DNAH1: variants seen among roughly 807,000 people sequenced by gnomAD.
The protein encoded by DNAH1 is dynein axonemal heavy chain 1.
A neutral mutation model predicts 484.3 loss-of-function variants in DNAH1; 327 were observed. The observed-to-expected ratio is 0.68, with a 90% CI of 0.62 to 0.74. The LOEUF is 0.74. Among genes scored for constraint, DNAH1 ranks in the 30% least tolerant of loss-of-function variants. DNAH1 has a pLI of 0.00. For missense variants in DNAH1, 5,052 were observed against 5,546.8 expected (o/e 0.91, Z 2.83); for synonymous variants, 2,192 against 2,191.9 (o/e 1.00, Z 0.00).
chr3:52,348,665 T>C (rs557443042), intron 12 of DNAH1, among the ~76,000 whole-genome samples: 1 of 152,344 alleles, frequency 6.6e-6, no homozygotes, highest in African/African-American at 2.4e-5. Context: ...TGCCCCTTGG[T>C]GGGCCTCACA....
chr3:52,345,356 C>T lies in DNAH1; in HGVS notation c.1445-139C>T, dbSNP rs187999390. The T allele has an allele frequency of 6.8e-4, 479 of 707,886 alleles. 1 individual carries two copies. The highest frequency in any genetic ancestry group is 6.1e-3 in the Middle Eastern group (15 of 2,472). 43.9% of individuals were successfully genotyped at this position (707,886 alleles called of 1,614,324 possible). A position where few individuals can be genotyped will look rare whatever the true frequency, so the allele number is the denominator to read the frequency against. On this transcript the variant is annotated intron_variant, in intron 9 of 77. Transcript: ENST00000420323. ...GCCACTCCGGCAAACTATGGAAAGG[C>T]GGGGCTCTGGGAACGCCAGTCACTC... is the stretch of plus-strand genomic sequence containing the variant.
intron 2 of DNAH1, among the ~76,000 whole-genome samples, chr3:52,323,072 C>T (rs999817900): frequency 6.6e-6 from 1 of 152,200 alleles, no homozygotes; most frequent in African/African-American, 2.4e-5. Flanking sequence ...GCCCACGTCC[C>T]TATTGTCATT....
At chr3:52,323,960 T>G in intron 3 of DNAH1, 80 bp downstream of exon 3, 3 of 1,119,702 alleles carry the variant, frequency 2.7e-6, no homozygotes, top group South Asian at 1.4e-5. Context: ...AGACAGCCTT[T>G]TCTTGGCTGT....
At chr3:52,334,707 C>T (rs1369095373) in intron 8 of DNAH1, among the ~76,000 whole-genome samples, 1 of 152,122 alleles carries the variant, frequency 6.6e-6, no homozygotes, top group African/African-American at 2.4e-5. Flanking sequence ...GCCCTAGAAT[C>T]GCCTGAACCT....
At chr3:52,328,148 G>A (rs1488911826) in intron 6 of DNAH1, 134 bp downstream of exon 6, 2 of 1,196,734 alleles carry the variant, frequency 1.7e-6, no homozygotes, top group Admixed American at 5.4e-5. Flanking sequence ...CTGGTAGACA[G>A]GCCTAGAAGC....
intron 8 of DNAH1, among the ~76,000 whole-genome samples, chr3:52,342,215 T>C (rs1029557738): frequency 1.3e-5 from 2 of 152,218 alleles, no homozygotes; most frequent in Non-Finnish European, 2.9e-5. Flanking sequence ...GTGGTTGGGA[T>C]GCAGAGAGAG....
chr3:52,398,950 G>C lies in DNAH1; in HGVS notation c.12190G>C (p.Ala4064Pro), dbSNP rs750877900. The change falls in exon 76 of 78, where the codon GCC becomes CCC. Residue 4064 changes from alanine to proline, a missense_variant. Transcript: ENST00000420323. ...VMSSQLELMA[A>P]SLYNNTVPEL... ...GTCCTCTCAGCTGGAGCTGATGGCT[G>C]CCAGCCTGTACAACAATACTGTGCC... 5 of 1,613,580 alleles carry C rather than the reference G, an allele frequency of 3.1e-6. No homozygotes were observed. Among genetic ancestry groups the C allele is most frequent in the African/African-American group, 1.3e-5 (1 of 74,928 alleles).
In DNAH1 at chr3:52,363,133, C is replaced by G; in HGVS notation, c.5233C>G (p.Leu1745Val). ...CACCTTCAAGCTGTCTTCTGAGCAG[C>G]TCAGCTCCCAGGTGTGGTCCTGCCC... ...TTTFKLSSEQ[L>V]SSQDHYDFGM... The change falls in exon 32 of 78, where the codon CTC (leucine) becomes GTC (valine). Residue 1745 changes from leucine to valine, a missense_variant. By Grantham distance (32) the Leu-to-Val change is conservative. Transcript: ENST00000420323. 1.2e-6 allele frequency: 2 copies of G among 1,613,936 alleles called. No homozygotes were observed. Among genetic ancestry groups the G allele is most frequent in the Non-Finnish European group, 1.7e-6 (2 of 1,179,840 alleles).
In DNAH1 at chr3:52,362,893, C is replaced by T. The variant is rs568326491; in HGVS notation, c.5095-102C>T. 85 of 1,509,398 alleles carry T rather than the reference C, an allele frequency of 5.6e-5. No homozygotes were observed. Among genetic ancestry groups the T allele is most frequent in the South Asian group, 2.3e-4 (19 of 82,868 alleles). 93.5% of individuals were successfully genotyped at this position (1,509,398 alleles called of 1,614,324 possible). A position where few individuals can be genotyped will look rare whatever the true frequency, so the allele number is the denominator to read the frequency against. Reference sequence around the variant, plus strand: ...AGCCTCAGCTGTGGCAGGCTTGGTGCAGCAGGGAGTCCCAGCGTGTTAGGG... The same window carrying T: ...AGCCTCAGCTGTGGCAGGCTTGGTGTAGCAGGGAGTCCCAGCGTGTTAGGG... On this transcript the variant is annotated intron_variant, in intron 31 of 77. Coordinates refer to ENST00000420323, the MANE Select transcript of DNAH1 (RefSeq NM_015512.5). The surrounding 1 kb of genome is among the most constrained non-coding windows in gnomAD (Gnocchi z 5.1).
At position 52,326,146 on chromosome 3, in the gene DNAH1, G is replaced by A; in HGVS notation, c.413G>A (p.Ser138Asn). The change falls in exon 4 of 78, where the codon AGC (serine) becomes AAC (asparagine). Residue 138 changes from serine (S) to asparagine (N), a missense_variant. By Grantham distance (46) the Ser-to-Asn change is conservative. Coordinates refer to ENST00000420323, the MANE Select transcript of DNAH1 (RefSeq NM_015512.5). Reference protein sequence around the residue: ...DLDKFTPRVGSFEVPEDFQER... With the variant: ...DLDKFTPRVGNFEVPEDFQER... ...CCCCTGCTTCTACCTGCAGTCGGAA[G>A]CTTTGAGGTTCCTGAAGACTTCCAG... 6.2e-7 allele frequency: 1 copy of A among 1,602,614 alleles called. No individual in the cohort carries two copies.
chr3:52,314,280 A>C (rs1700880721), upstream of DNAH1, among the ~76,000 whole-genome samples: 2 of 152,192 alleles, frequency 1.3e-5, no homozygotes, highest in Non-Finnish European at 2.9e-5. Context: ...CCTGTGGAAG[A>C]TGTCTTTGTC....
At chr3:52,370,398 A>G (rs543711523) in intron 39 of DNAH1, 79 bp from the exon 40 acceptor site, 1 of 1,593,588 alleles carries the variant, frequency 6.3e-7, no homozygotes, top group East Asian at 2.2e-5. Flanking sequence ...GCAGAGGTCA[A>G]GACATGCCCC....
intron 67 of DNAH1, 92 bp from the exon 68 acceptor site, chr3:52,394,823 C>T: frequency 6.5e-7 from 1 of 1,529,690 alleles, no homozygotes; most frequent in Non-Finnish European, 8.8e-7. Context: ...GGATAGCCCA[C>T]TCTCCCCAGC....
At chr3:52,370,407 C>T (rs1170046820) in intron 39 of DNAH1, 70 bp from the exon 40 acceptor site, 9 of 1,600,430 alleles carry the variant, frequency 5.6e-6, no homozygotes, top group Non-Finnish European at 7.7e-6. Flanking sequence ...AAGACATGCC[C>T]CTGCCCCACT....
intron 3 of DNAH1, among the ~76,000 whole-genome samples, chr3:52,325,793 T>C (rs950756540): frequency 2.0e-5 from 3 of 152,170 alleles, no homozygotes; most frequent in African/African-American, 7.2e-5. Flanking sequence ...CCATTTCATC[T>C]TCCTATCCAG....
At chr3:52,347,776 A>C (rs952545483) in intron 11 of DNAH1, 48 bp from the exon 12 acceptor site, 1 of 1,503,912 alleles carries the variant, frequency 6.6e-7, no homozygotes, top group Non-Finnish European at 8.9e-7. Context: ...GCTCCTGCAC[A>C]CAGGCCTCCT....
At chr3:52,372,459 C>T in intron 43 of DNAH1, 72 bp downstream of exon 43, 2 of 1,579,388 alleles carry the variant, frequency 1.3e-6, no homozygotes, top group Non-Finnish European at 1.7e-6. Flanking sequence ...TGTCCCACCT[C>T]TCCACCAAAT....
At chr3:52,367,139 T>A (rs1437235078) in intron 36 of DNAH1, among the ~76,000 whole-genome samples, 3 of 152,130 alleles carry the variant, frequency 2.0e-5, no homozygotes, top group Non-Finnish European at 4.4e-5. Flanking sequence ...CTTAACACGC[T>A]CAGTGCCTCT....
Position 52,359,817 on chromosome 3 carries a change from T to C in DNAH1, c.4408-99T>C, listed in dbSNP as rs1702779602. 6.7e-6 allele frequency: 10 copies of C among 1,488,714 alleles called. No homozygotes were observed. The South Asian group carries it at 9.9e-5, about 15-fold the overall frequency. 92.2% of individuals were successfully genotyped at this position (1,488,714 alleles called of 1,614,324 possible). A position where few individuals can be genotyped will look rare whatever the true frequency, so the allele number is the denominator to read the frequency against. On this transcript the variant is annotated intron_variant, in intron 26 of 77. Transcript: ENST00000420323. ...CTCAGACCATCAGAGACCCCCAGGA[T>C]AGAGGGACTGTTTGTGGCAGAAGCC...
Sources: allele counts gnomAD v4.1 joint callset (sites outside exome capture counted in the v4.1 genomes callset), GRCh38; gene constraint gnomAD v4.1.1; non-coding constraint Gnocchi (gnomAD v3.1); transcripts MANE v1.5; gene names NCBI Gene and HGNC (gene_info 2026-07-23, HGNC 2026-07-21).